AFF3: variants seen among roughly 807,000 people sequenced by gnomAD.
AFF3 encodes the protein ALF transcription elongation factor 3.
AFF3 carries 32 observed loss-of-function variants against 129.7 expected under a neutral mutation model. The ratio of observed to expected loss-of-function variants is 0.25; its 90% CI spans 0.19 to 0.33. The LOEUF (loss-of-function observed/expected upper bound fraction) is 0.33, where lower values mean the gene tolerates loss of function less well. AFF3 is among the 10% of genes least tolerant of loss of function. The pLI, the probability that AFF3 is intolerant of heterozygous loss-of-function variation, is 1.00. For synonymous variants in AFF3, 644 were observed against 635.4 expected (o/e 1.01, Z -0.20); for missense variants, 1,373 against 1,592.0 (o/e 0.86, Z 2.34).
In AFF3 at chr2:100,102,981, C is replaced by T. The variant is rs1248418585; in HGVS notation, c.53+1421G>A. On this transcript the variant is annotated intron_variant, in intron 4 of 24. Coordinates refer to ENST00000672756, the MANE Select transcript of AFF3 (RefSeq NM_001386135.1). ...TTTCTGCCCTGGCTCTTTGAAGTTT[C>T]CAGTGCAATACGTAAAAGTTTTATT... Among the ~76,000 whole-genome samples, 3 of 146,938 alleles carry T rather than the reference C, an allele frequency of 2.0e-5. No individual in the cohort carries two copies. The East Asian group carries it at 6.0e-4, about 29-fold the overall frequency.
intron 8 of AFF3, 100 bp from the exon 9 acceptor site, chr2:99,752,401 G>A: frequency 4.4e-6 from 4 of 907,668 alleles, no homozygotes; most frequent in East Asian, 2.6e-5. Context: ...ATAAGGCAGG[G>A]AAGGGTTAAA....
intron 11 of AFF3, among the ~76,000 whole-genome samples, chr2:99,718,666 G>A (rs62156498): frequency 0.024 from 3,592 of 152,214 alleles, 55 homozygotes; most frequent in Non-Finnish European, 0.03. Flanking sequence ...GAGGTGATAA[G>A]GGTAGATATC....
intron 2 of AFF3, chr2:100,107,654 T>C (rs1691363562): frequency 6.0e-6 from 2 of 332,600 alleles, no homozygotes; most frequent in South Asian, 2.4e-4. Flanking sequence ...AGCTGCTAAA[T>C]GAGAGGAGCT....
chr2:99,715,846 G>C (rs1196745718), intron 11 of AFF3, among the ~76,000 whole-genome samples: 1 of 151,826 alleles, frequency 6.6e-6, no homozygotes, highest in Non-Finnish European at 1.5e-5. Context: ...TAATTTTTTT[G>C]TATTTTTAGT....
chr2:99,600,821 A>G (rs1668098665), intron 14 of AFF3, among the ~76,000 whole-genome samples: 1 of 152,114 alleles, frequency 6.6e-6, no homozygotes, highest in Admixed American at 6.5e-5. Context: ...GGTACCTTCT[A>G]ATGTTTTTAT....
chr2:99,735,012 A>G (rs907508924), intron 10 of AFF3, among the ~76,000 whole-genome samples: 8 of 152,186 alleles, frequency 5.3e-5, no homozygotes, highest in South Asian at 2.1e-4. Context: ...TGGTGGAATG[A>G]TTTTTAAAAA....
At chr2:99,771,620 G>A (rs1683499014) in intron 8 of AFF3, among the ~76,000 whole-genome samples, 1 of 152,160 alleles carries the variant, frequency 6.6e-6, no homozygotes, top group South Asian at 2.1e-4. Flanking sequence ...AAGACCTTAT[G>A]ATTCCCCCAA....
chr2:99,701,207 C>A (rs1051024497), intron 11 of AFF3, among the ~76,000 whole-genome samples: 1 of 152,088 alleles, frequency 6.6e-6, no homozygotes, highest in Non-Finnish European at 1.5e-5. Context: ...ACACTCACTC[C>A]CATGCATTTT....
At chr2:99,640,666 A>T (rs2105490694) in intron 13 of AFF3, among the ~76,000 whole-genome samples, 1 of 151,902 alleles carries the variant, frequency 6.6e-6, no homozygotes, top group East Asian at 1.9e-4. Context: ...AGCATAAATG[A>T]GTGGCATAAT....
intron 7 of AFF3, among the ~76,000 whole-genome samples, chr2:99,985,284 CT>C (rs1679761871): frequency 6.6e-6 from 1 of 152,202 alleles, no homozygotes; most frequent in South Asian, 2.1e-4. Context: ...TTTTGGCATT[CT>C]ACCAAATTCA....
intron 7 of AFF3, among the ~76,000 whole-genome samples, chr2:99,904,509 G>C (rs1032192578): frequency 6.6e-6 from 1 of 151,734 alleles, no homozygotes; most frequent in African/African-American, 2.4e-5. Flanking sequence ...TCAGTATCTT[G>C]TGAGACAAAC....
chr2:99,574,832 C>T (rs1676833006), intron 18 of AFF3, among the ~76,000 whole-genome samples: 1 of 152,144 alleles, frequency 6.6e-6, no homozygotes, highest in Non-Finnish European at 1.5e-5. Context: ...GTCTTTTCTT[C>T]CACTGGTGGC....
intron 13 of AFF3, among the ~76,000 whole-genome samples, chr2:99,605,553 CG>C (rs1033604201): frequency 6.6e-6 from 1 of 152,166 alleles, no homozygotes. Context: ...GCTCCCACCA[CG>C]GGTGCTTGCA....
chr2:100,029,642 G>A (rs140612244), intron 4 of AFF3, among the ~76,000 whole-genome samples: 26 of 152,302 alleles, frequency 1.7e-4, no homozygotes, highest in Non-Finnish European at 3.7e-4. Flanking sequence ...TAGAAGGACG[G>A]CCACTAGGGG....
At chr2:99,909,733 A>G (rs893531632) in intron 7 of AFF3, among the ~76,000 whole-genome samples, 3 of 152,202 alleles carry the variant, frequency 2.0e-5, no homozygotes, top group Admixed American at 2.0e-4. Flanking sequence ...TTCCTTGCAA[A>G]GAAAGGAGAT....
In AFF3 at chr2:99,634,830, C is replaced by T. The variant is rs192571816; in HGVS notation, c.1184+14796G>A. Among the ~76,000 whole-genome samples, 33 of 151,792 alleles carry T rather than the reference C, an allele frequency of 2.2e-4. No homozygotes were observed. The East Asian group carries it at 3.9e-3, about 18-fold the overall frequency. The stretch of plus-strand genomic sequence containing the variant: ...CTTCCTTGGATAGAACAGAACTAGA[C>T]GAGGTGTGTTCTTGCAAGCAGCCCC... On this transcript the variant is annotated intron_variant, in intron 13 of 24. Transcript: ENST00000672756.
chr2:100,106,871 G>C, intron 2 of AFF3: 1 of 985,500 alleles, frequency 1.0e-6, no homozygotes, highest in Non-Finnish European at 1.2e-6. Context: ...TCCCAGAAAA[G>C]GAAAGAGGGA....
At chr2:100,023,806 C>T (rs901248702) in intron 4 of AFF3, among the ~76,000 whole-genome samples, 28 of 152,206 alleles carry the variant, frequency 1.8e-4, no homozygotes, top group Middle Eastern at 3.2e-3. Flanking sequence ...AAATGAAAGA[C>T]GACTAACATA....
intron 7 of AFF3, among the ~76,000 whole-genome samples, chr2:99,926,601 T>C (rs1236209631): frequency 6.6e-6 from 1 of 152,112 alleles, no homozygotes; most frequent in Non-Finnish European, 1.5e-5. Context: ...ACAATTTCAA[T>C]TGTGATTTCT....
Sources: allele counts gnomAD v4.1 joint callset (sites outside exome capture counted in the v4.1 genomes callset), GRCh38; gene constraint gnomAD v4.1.1; transcripts MANE v1.5; gene names NCBI Gene and HGNC (gene_info 2026-07-23, HGNC 2026-07-21).